Variants in DNAH8 observed in about 807,000 individuals in gnomAD.
DNAH8 encodes the protein dynein axonemal heavy chain 8.
A neutral mutation model predicts 562.1 loss-of-function variants in DNAH8; 382 were observed. That is an observed-to-expected ratio of 0.68 (90% confidence interval 0.63 to 0.74). The LOEUF is 0.74. Ranked by LOEUF, DNAH8 falls within the 30% of genes least tolerant of loss-of-function variation. The pLI, the probability that DNAH8 is intolerant of heterozygous loss-of-function variation, is 0.00. For synonymous variants in DNAH8, 1,881 were observed against 1,919.4 expected (o/e 0.98, Z 0.52); for missense variants, 5,203 against 5,620.4 (o/e 0.93, Z 2.37).
chr6:38,978,265 T>G (rs1177890429), intron 85 of DNAH8, among the ~76,000 whole-genome samples: 4 of 152,168 alleles, frequency 2.6e-5, no homozygotes, highest in Non-Finnish European at 4.4e-5. Flanking sequence ...TAAAAATTAC[T>G]TAGATAGTAA....
intron 50 of DNAH8, 32 bp from the exon 51 acceptor site, chr6:38,872,874 G>A: frequency 6.2e-7 from 1 of 1,608,322 alleles, no homozygotes; most frequent in Non-Finnish European, 8.5e-7. Flanking sequence ...ACTTGCAAGT[G>A]AAAAGTGATT....
At chr6:38,734,221 T>G (rs1582856248) in intron 4 of DNAH8, among the ~76,000 whole-genome samples, 1 of 150,604 alleles carries the variant, frequency 6.6e-6, no homozygotes, top group East Asian at 2.0e-4. Flanking sequence ...GAGGTGGAGG[T>G]TGCAGTGAGC....
intron 21 of DNAH8, among the ~76,000 whole-genome samples, chr6:38,799,071 C>A (rs1770547149): frequency 6.6e-6 from 1 of 152,094 alleles, no homozygotes; most frequent in East Asian, 1.9e-4. Context: ...ATGAGGGAGT[C>A]CCACAACGTA....
chr6:38,883,053 G>A lies in DNAH8; in HGVS notation c.8001+1G>A, dbSNP rs1778633111. ...AGACACCATTGCAAAACAACATAAA[G>A]TAAGTTTAATAGATAGTTCCTTAAA... On this transcript the variant is annotated splice_donor_variant, in intron 54 of 92. Coordinates refer to ENST00000327475, the MANE Select transcript of DNAH8 (RefSeq NM_001206927.2). LOFTEE classifies it high-confidence loss of function. The A allele has an allele frequency of 6.3e-7, 1 of 1,585,960 alleles. No individual in the cohort carries two copies. Among genetic ancestry groups the A allele is most frequent in the African/African-American group, 1.4e-5 (1 of 73,468 alleles).
At chr6:39,015,729 G>A (rs1400091182) in intron 91 of DNAH8, among the ~76,000 whole-genome samples, 1 of 152,152 alleles carries the variant, frequency 6.6e-6, no homozygotes, top group Non-Finnish European at 1.5e-5. Flanking sequence ...TCACATTTCA[G>A]TTAATGCCTT....
At chr6:38,840,509 A>G (rs571894815) in intron 33 of DNAH8, among the ~76,000 whole-genome samples, 10 of 152,324 alleles carry the variant, frequency 6.6e-5, no homozygotes, top group East Asian at 5.8e-4. Context: ...ATATTGCATG[A>G]TAAGGCCCTT....
intron 53 of DNAH8, among the ~76,000 whole-genome samples, chr6:38,880,454 GA>G (rs1026397159): frequency 3.9e-5 from 6 of 152,054 alleles, no homozygotes; most frequent in Admixed American, 6.5e-5. Flanking sequence ...GCGATGGGGG[GA>G]AAAATCTCTT....
chr6:38,956,904 G>A (rs933034857), intron 82 of DNAH8, among the ~76,000 whole-genome samples: 1 of 152,156 alleles, frequency 6.6e-6, no homozygotes, highest in Non-Finnish European at 1.5e-5. Flanking sequence ...TAGAAAACAA[G>A]TAACAAAATG....
At chr6:39,013,872 AAG>A (rs760096683) in intron 91 of DNAH8, among the ~76,000 whole-genome samples, 23 of 106,682 alleles carry the variant, frequency 2.2e-4, no homozygotes, top group Admixed American at 3.4e-4. Flanking sequence ...GAGAGAGAGA[AAG>A]AGAGAGAGAG....
At chr6:38,836,700 A>G (rs575067636) in intron 32 of DNAH8, among the ~76,000 whole-genome samples, 16 of 152,100 alleles carry the variant, frequency 1.1e-4, no homozygotes, top group Non-Finnish European at 2.1e-4. Flanking sequence ...CCCCCTAAAA[A>G]AAACAGGTGC....
chr6:38,776,079 T>G, intron 13 of DNAH8, 128 bp downstream of exon 13: 1 of 668,438 alleles, frequency 1.5e-6, no homozygotes, highest in Non-Finnish European at 2.6e-6. Flanking sequence ...CTCTTTCACA[T>G]TGACCAAACA....
At chr6:39,009,964 C>T (rs772528415) in intron 89 of DNAH8, among the ~76,000 whole-genome samples, 1 of 152,142 alleles carries the variant, frequency 6.6e-6, no homozygotes, top group Non-Finnish European at 1.5e-5. Flanking sequence ...AGGCAGCATA[C>T]TTGCCTTCAA....
At chr6:38,956,928 C>CT (rs1360365470) in intron 82 of DNAH8, among the ~76,000 whole-genome samples, 2 of 152,114 alleles carry the variant, frequency 1.3e-5, no homozygotes, top group African/African-American at 2.4e-5. Context: ...GTAGTTAGTC[C>CT]TTACCTACCA....
At chr6:38,860,038 AC>A (rs1776490708) in intron 42 of DNAH8, among the ~76,000 whole-genome samples, 1 of 150,906 alleles carries the variant, frequency 6.6e-6, no homozygotes, top group Non-Finnish European at 1.5e-5. Flanking sequence ...CTCTTCCCAC[AC>A]CCTCATGATC....
intron 27 of DNAH8, among the ~76,000 whole-genome samples, chr6:38,823,259 C>A (rs569205416): frequency 6.6e-6 from 1 of 152,208 alleles, no homozygotes; most frequent in Non-Finnish European, 1.5e-5. Context: ...TTTCCTTAAA[C>A]AATTGAGTAC....
chr6:38,734,757 T>A, intron 5 of DNAH8, 132 bp downstream of exon 5: 1 of 1,004,466 alleles, frequency 1.0e-6, no homozygotes. Context: ...AATGTATTCA[T>A]ATATTAAAAA....
intron 9 of DNAH8, among the ~76,000 whole-genome samples, chr6:38,751,130 C>T (rs1376831811): frequency 6.6e-6 from 1 of 152,196 alleles, no homozygotes; most frequent in Non-Finnish European, 1.5e-5. Flanking sequence ...CAAAGTCTCT[C>T]ATGAGGTTGC....
At chr6:38,851,798 A>C in intron 39 of DNAH8, 124 bp downstream of exon 39, 2 of 687,940 alleles carry the variant, frequency 2.9e-6, no homozygotes, top group Middle Eastern at 4.8e-4. Flanking sequence ...TACATTGATC[A>C]TAAAATTTCA....
intron 24 of DNAH8, among the ~76,000 whole-genome samples, chr6:38,812,311 A>G (rs987501291): frequency 2.6e-5 from 4 of 152,106 alleles, no homozygotes; most frequent in African/African-American, 7.2e-5. Flanking sequence ...TCTCCCATCC[A>G]TGATTGTGAT....
Sources: allele counts gnomAD v4.1 joint callset (sites outside exome capture counted in the v4.1 genomes callset), GRCh38; gene constraint gnomAD v4.1.1; transcripts MANE v1.5; gene names NCBI Gene and HGNC (gene_info 2026-07-23, HGNC 2026-07-21).